The following PSEN2 variants were observed in gnomAD, a reference collection of about 807,000 sequenced individuals.
PSEN2 encodes presenilin 2.
Under a neutral mutation model 49.1 loss-of-function variants are expected in PSEN2, and 32 were observed. That is an observed-to-expected ratio of 0.65 (90% CI 0.49 to 0.88). The LOEUF (loss-of-function observed/expected upper bound fraction) is 0.88. Ranked by LOEUF, PSEN2 falls within the 40% of genes least tolerant of loss-of-function variation. The pLI is 0.00. For synonymous variants in PSEN2, 255 were observed against 244.0 expected, an observed-to-expected ratio of 1.05 and a Z score of -0.42; for missense variants, 522 against 586.9, an observed-to-expected ratio of 0.89 and a Z score of 1.14.
chr1:226,895,429 G>A lies in PSEN2; in HGVS notation c.1197G>A (p.Leu399=), dbSNP rs1662076227. Residue 399 remains leucine (L), a synonymous_variant, in exon 13 of 13, where the codon TTG becomes TTA. Transcript: ENST00000366783. ...LACFVAILIG[L]CLTLLLLAVF... is the part of the protein sequence containing the mutation. ...CTCCCCTCCATGTCCTGCAGGGCTT[G>A]TGTCTGACCCTCCTGCTGCTTGCTG... 6.8e-6 allele frequency: 11 copies of A among 1,613,964 alleles called. No homozygotes were observed. Among genetic ancestry groups the A allele is most frequent in the Non-Finnish European group, 9.3e-6 (11 of 1,180,012 alleles).
chr1:226,882,100 TA>T, intron 4 of PSEN2, 52 bp downstream of exon 4: 2 of 1,604,630 alleles, frequency 1.2e-6, no homozygotes, highest in Non-Finnish European at 1.7e-6. Flanking sequence ...GCGGCTACTG[TA>T]CCTTACAGAT....
At chr1:226,870,982 G>C (rs534272310) in intron 1 of PSEN2, 1 of 152,354 alleles carries the variant, frequency 6.6e-6, no homozygotes, top group South Asian at 2.1e-4. Context: ...AGCCCCGGCT[G>C]GGGGTGGGCG....
chr1:226,876,397 C>A (rs1660630127), intron 3 of PSEN2, among the ~76,000 whole-genome samples: 1 of 152,154 alleles, frequency 6.6e-6, no homozygotes, highest in African/African-American at 2.4e-5. Context: ...CCCATCTGCT[C>A]CTCCTGGCCA....
At chr1:226,892,827 C>A (rs1347823626) in intron 11 of PSEN2, among the ~76,000 whole-genome samples, 1 of 152,202 alleles carries the variant, frequency 6.6e-6, no homozygotes, top group Non-Finnish European at 1.5e-5. Context: ...GTGCTTCTGA[C>A]CGGCTGCAAA....
chr1:226,902,989 A>T (rs1662363254), intron 12 of PSEN2, among the ~76,000 whole-genome samples: 1 of 151,278 alleles, frequency 6.6e-6, no homozygotes, highest in Non-Finnish European at 1.5e-5. Flanking sequence ...ATATTTGGGG[A>T]ATCAGGAAGA....
chr1:226,873,663 A>G lies in PSEN2; in HGVS notation c.-206-1702A>G, dbSNP rs544542759. On this transcript the variant is annotated intron_variant, in intron 2 of 12. Transcript: ENST00000366783. ...ACTCCTGACCTCAGGTGATCCGCCA[A>G]CCTTGGCCTCCCAAAATGCTGGTAT... Among the ~76,000 whole-genome samples the G allele has an allele frequency of 3.1e-4, 47 of 152,234 alleles. 1 individual carries two copies. The South Asian group carries it at 9.5e-3, about 31-fold the overall frequency.
At chr1:226,888,700 GT>G (rs977452367) in intron 7 of PSEN2, 128 bp from the exon 8 acceptor site, 2 of 825,738 alleles carry the variant, frequency 2.4e-6, no homozygotes, top group Non-Finnish European at 4.1e-6. Context: ...ATGGTAAATT[GT>G]AAGGACAGTG....
chr1:226,898,039 C>T (rs1662209864), downstream of PSEN2: 1 of 152,354 alleles, frequency 6.6e-6, no homozygotes. Flanking sequence ...TCACTGCAAC[C>T]TCTGCCTCCT....
intron 12 of PSEN2, among the ~76,000 whole-genome samples, chr1:226,895,221 G>A (rs924559852): frequency 6.6e-6 from 1 of 152,202 alleles, no homozygotes; most frequent in Admixed American, 6.5e-5. Context: ...CTCACTAACA[G>A]GTGAGGTGAT....
At chr1:226,882,663 G>A (rs1326771060) in intron 4 of PSEN2, among the ~76,000 whole-genome samples, 1 of 152,156 alleles carries the variant, frequency 6.6e-6, no homozygotes, top group Admixed American at 6.5e-5. Flanking sequence ...AAATGTCTCT[G>A]TGTGGACTGT....
At chr1:226,890,343 T>C (rs917747575) in intron 9 of PSEN2, among the ~76,000 whole-genome samples, 1 of 152,226 alleles carries the variant, frequency 6.6e-6, no homozygotes. Context: ...TGCTGGGATG[T>C]GCTGCAGTCC....
chr1:226,887,636 T>C (rs1016869852), intron 6 of PSEN2, among the ~76,000 whole-genome samples: 1 of 152,154 alleles, frequency 6.6e-6, no homozygotes, highest in African/African-American at 2.4e-5. Context: ...TATCACTGTA[T>C]CCTAACATTA....
In PSEN2 at chr1:226,894,144, GTC is replaced by G. The variant is rs1558154356; in HGVS notation, c.1191+20_1191+21del. On this transcript the variant is annotated intron_variant, in intron 12 of 12. Transcript: ENST00000366783. ...CCTCATTGTGAGTGGCTGGGGATGC[GTC>G]CAGCTGCCTCGTGGTGGGGGCCCCC... 6.3e-7 allele frequency: 1 copy of G among 1,598,956 alleles called. No homozygotes were observed.
chr1:226,881,657 CT>C (rs1341603745), intron 3 of PSEN2, among the ~76,000 whole-genome samples: 18 of 152,212 alleles, frequency 1.2e-4, no homozygotes, highest in Non-Finnish European at 2.2e-4. Context: ...GTTTTGCCCC[CT>C]GGGATGTGAG....
intron 2 of PSEN2, among the ~76,000 whole-genome samples, chr1:226,873,177 CA>C (rs59604724): frequency 0.062 from 8,415 of 135,550 alleles, 673 homozygotes; most frequent in African/African-American, 0.2. Context: ...AACTCCATCT[CA>C]AAAAAAAAAA....
At chr1:226,902,970 CGTA>C (rs1662362824) in intron 12 of PSEN2, among the ~76,000 whole-genome samples, 1 of 152,096 alleles carries the variant, frequency 6.6e-6, no homozygotes, top group Non-Finnish European at 1.5e-5. Flanking sequence ...GAGAAACAAA[CGTA>C]GTAAAATATT....
At chr1:226,898,412 C>T (rs1399476353), downstream of PSEN2, 2 of 152,136 alleles carry the variant, frequency 1.3e-5, no homozygotes, top group African/African-American at 2.4e-5. Context: ...ATTGGAATTC[C>T]CCCAATTGAC....
chr1:226,889,538 G>A (rs930399089), intron 8 of PSEN2, among the ~76,000 whole-genome samples: 3 of 152,164 alleles, frequency 2.0e-5, no homozygotes, highest in African/African-American at 7.2e-5. Flanking sequence ...GCCTCCCAAA[G>A]TACTGGGATT....
Position 226,895,644 on chromosome 1 carries a change from TAC to T in PSEN2, c.*68_*69del. ...TTCATTGGATGCAGTTGTATAGTTTTACACTCTAGTGCCATATATTTTTAAGA... is the reference window on the plus strand; with the variant it reads ...TTCATTGGATGCAGTTGTATAGTTTTACTCTAGTGCCATATATTTTTAAGA... On this transcript the variant is annotated 3_prime_UTR_variant, in exon 13 of 13. Transcript: ENST00000366783. The T allele has an allele frequency of 6.6e-7, 1 of 1,508,030 alleles. No individual in the cohort carries two copies. The highest frequency in any genetic ancestry group is 9.1e-7 in the Non-Finnish European group (1 of 1,102,844). The allele number at this position is 1,508,030 out of a possible 1,614,324, so 93.4% of individuals were successfully genotyped here. A position where few individuals can be genotyped will look rare whatever the true frequency, so the allele number is the denominator to read the frequency against.
Sources: allele counts gnomAD v4.1 joint callset (sites outside exome capture counted in the v4.1 genomes callset), GRCh38; gene constraint gnomAD v4.1.1; transcripts MANE v1.5; gene names NCBI Gene and HGNC (gene_info 2026-07-23, HGNC 2026-07-21).